The following CELF4 variants were observed in gnomAD, a reference collection of about 807,000 sequenced individuals.
CELF4 encodes the protein CUGBP Elav-like family member 4.
A neutral mutation model predicts 59.9 loss-of-function variants in CELF4; 18 were observed. The ratio of observed to expected loss-of-function variants is 0.30; its 90% CI spans 0.21 to 0.45. The LOEUF (loss-of-function observed/expected upper bound fraction) is 0.45. CELF4 is among the 20% of genes least tolerant of loss of function. CELF4 has a pLI of 1.00. For missense variants in CELF4, 456 were observed against 689.0 expected, an observed-to-expected ratio of 0.66 and a Z score of 3.79; for synonymous variants, 261 against 267.1, an observed-to-expected ratio of 0.98 and a Z score of 0.22.
intron 2 of CELF4, among the ~76,000 whole-genome samples, chr18:37,461,118 C>T (rs2099792267): frequency 6.6e-6 from 1 of 152,174 alleles, no homozygotes; most frequent in African/African-American, 2.4e-5. Flanking sequence ...GTATCTAAGA[C>T]AGGAGCCACC....
chr18:37,342,882 T>C (rs550436618), intron 2 of CELF4, among the ~76,000 whole-genome samples: 1 of 152,304 alleles, frequency 6.6e-6, no homozygotes, highest in East Asian at 1.9e-4. Context: ...CTGTGGGTGG[T>C]GTCCCCCCCA....
At chr18:37,446,899 T>C (rs2154601436) in intron 2 of CELF4, among the ~76,000 whole-genome samples, 1 of 152,298 alleles carries the variant, frequency 6.6e-6, no homozygotes, top group Middle Eastern at 3.4e-3. Context: ...CAAGACACAC[T>C]GGCCTTTCTT....
intron 10 of CELF4, among the ~76,000 whole-genome samples, chr18:37,263,326 G>A (rs997883345): frequency 1.1e-4 from 17 of 152,158 alleles, no homozygotes; most frequent in Admixed American, 3.3e-4. Context: ...TGGCACTGGG[G>A]CCTGTCAAAT....
At chr18:37,563,343 C>A (rs2099987153) in intron 1 of CELF4, among the ~76,000 whole-genome samples, 1 of 152,088 alleles carries the variant, frequency 6.6e-6, no homozygotes, top group Non-Finnish European at 1.5e-5. Context: ...CTGTCTTTTG[C>A]CTCTAGTGAG....
At chr18:37,499,223 T>G (rs186505026) in intron 1 of CELF4, among the ~76,000 whole-genome samples, 1 of 152,044 alleles carries the variant, frequency 6.6e-6, no homozygotes, top group South Asian at 2.1e-4. Flanking sequence ...TTTGTTTCCC[T>G]TGTGTGTGTG....
intron 1 of CELF4, among the ~76,000 whole-genome samples, chr18:37,525,826 C>G (rs2099963251): frequency 6.6e-6 from 1 of 152,214 alleles, no homozygotes. Context: ...AAACCCCTTT[C>G]ACAAGATCCC....
At chr18:37,396,918 G>C (rs555695325) in intron 2 of CELF4, among the ~76,000 whole-genome samples, 1 of 152,138 alleles carries the variant, frequency 6.6e-6, no homozygotes, top group Non-Finnish European at 1.5e-5. Context: ...CATATCTTTT[G>C]TTTTTCTTAA....
chr18:37,247,789 G>T (rs1233972522), intron 12 of CELF4, among the ~76,000 whole-genome samples: 1 of 151,998 alleles, frequency 6.6e-6, no homozygotes, highest in Non-Finnish European at 1.5e-5. Context: ...TTGGCAAGGG[G>T]GCCAGAAAAA....
rs200727816 is a variant in CELF4 at position 37,454,067 on chromosome 18, C to CA, written c.369+31457dup. ...CCTCTCCACTCATCTGTCTTTCTAG[C>CA]AAAAAACCCCTATTGCCTTGCCTCC... is the stretch of plus-strand genomic sequence containing the variant. On this transcript the variant is annotated intron_variant, in intron 2 of 12. Coordinates refer to ENST00000420428, the MANE Select transcript of CELF4 (RefSeq NM_020180.4). Among the ~76,000 whole-genome samples the CA allele has an allele frequency of 9.4e-3, 1,429 of 152,198 alleles. 4 individuals carry two copies. The highest frequency in any genetic ancestry group is 0.016 in the Non-Finnish European group (1,070 of 68,010).
intron 2 of CELF4, among the ~76,000 whole-genome samples, chr18:37,481,560 A>T (rs557287687): frequency 6.6e-5 from 10 of 152,238 alleles, no homozygotes; most frequent in African/African-American, 2.2e-4. Flanking sequence ...TAAGGAACAG[A>T]CTTCTTTCAA....
chr18:37,492,048 A>C (rs1165931790), intron 1 of CELF4, among the ~76,000 whole-genome samples: 1 of 152,204 alleles, frequency 6.6e-6, no homozygotes, highest in Non-Finnish European at 1.5e-5. Context: ...CTCCCACCCC[A>C]GCTGGGTCTT....
chr18:37,482,940 G>A (rs56245608), intron 2 of CELF4, among the ~76,000 whole-genome samples: 3 of 152,150 alleles, frequency 2.0e-5, no homozygotes, highest in Admixed American at 6.5e-5. Flanking sequence ...AAATTGCTGA[G>A]GTTACCAGTT....
chr18:37,372,273 C>T (rs2098902815), intron 2 of CELF4, among the ~76,000 whole-genome samples: 2 of 152,306 alleles, frequency 1.3e-5, no homozygotes, highest in Non-Finnish European at 2.9e-5. Context: ...AAATGTGGCA[C>T]ATATACACCA....
intron 2 of CELF4, among the ~76,000 whole-genome samples, chr18:37,374,468 C>T (rs778747441): frequency 2.0e-5 from 3 of 152,192 alleles, no homozygotes; most frequent in East Asian, 1.9e-4. Flanking sequence ...CTCTCTGATC[C>T]GTAACTTCAC....
intron 2 of CELF4, among the ~76,000 whole-genome samples, chr18:37,348,944 AG>A (rs1603623672): frequency 6.6e-6 from 1 of 152,010 alleles, no homozygotes; most frequent in Non-Finnish European, 1.5e-5. Context: ...TCATGCCTCC[AG>A]GGGGTTTGGG....
chr18:37,283,269 A>G (rs759383399), intron 3 of CELF4, among the ~76,000 whole-genome samples: 3 of 151,732 alleles, frequency 2.0e-5, no homozygotes, highest in African/African-American at 4.8e-5. Flanking sequence ...CGGTGCTGAC[A>G]CCCACCAAGC....
intron 2 of CELF4, among the ~76,000 whole-genome samples, chr18:37,352,414 G>A (rs999879578): frequency 2.6e-5 from 4 of 152,156 alleles, no homozygotes; most frequent in African/African-American, 7.2e-5. Flanking sequence ...AGGGTGAGGC[G>A]GGAGGATCAC....
At chr18:37,543,341 C>T (rs1391467294) in intron 1 of CELF4, among the ~76,000 whole-genome samples, 1 of 152,210 alleles carries the variant, frequency 6.6e-6, no homozygotes, top group African/African-American at 2.4e-5. Flanking sequence ...CGTACCCTGA[C>T]CTACCTCCCC....
intron 3 of CELF4, among the ~76,000 whole-genome samples, chr18:37,317,217 T>A (rs1015733366): frequency 2.0e-5 from 3 of 152,118 alleles, no homozygotes; most frequent in Admixed American, 6.5e-5. Context: ...TAAAACCCCA[T>A]CTCTACTAAT....
Sources: allele counts gnomAD v4.1 joint callset (sites outside exome capture counted in the v4.1 genomes callset), GRCh38; gene constraint gnomAD v4.1.1; transcripts MANE v1.5; gene names NCBI Gene and HGNC (gene_info 2026-07-23, HGNC 2026-07-21).